The following TIMP3 variants were observed in gnomAD, a reference collection of about 807,000 sequenced individuals.
TIMP3 encodes the protein TIMP metallopeptidase inhibitor 3.
Under a neutral mutation model 30.0 loss-of-function variants are expected in TIMP3, and 11 were observed. That is an observed-to-expected ratio of 0.37 (90% confidence interval 0.23 to 0.61). The LOEUF is 0.61. Among genes scored for constraint, TIMP3 ranks in the 20% least tolerant of loss-of-function variants. TIMP3 has a pLI of 0.70. For missense variants in TIMP3, 181 were observed against 276.8 expected (o/e 0.65, Z 2.45); for synonymous variants, 112 against 111.3 (o/e 1.01, Z -0.04).
intron 1 of TIMP3, 64 bp downstream of exon 1, chr22:32,802,186 G>A: frequency 1.3e-6 from 2 of 1,528,074 alleles, no homozygotes; most frequent in Non-Finnish European, 1.8e-6. Context: ...GCTGCTTAGG[G>A]AGGCAGGGCG....
At chr22:32,853,681 G>C (rs2048285741) in intron 2 of TIMP3, among the ~76,000 whole-genome samples, 3 of 152,218 alleles carry the variant, frequency 2.0e-5, no homozygotes, top group African/African-American at 7.2e-5. Flanking sequence ...GTTAAGAGCT[G>C]AGGAAGGGAC....
At position 32,817,296 on chromosome 22, in the gene TIMP3, AAAGCTCTGAG is replaced by A. The variant is rs1379905978; in HGVS notation, c.121+15178_121+15187del. Among the ~76,000 whole-genome samples the A allele has an allele frequency of 3.9e-5, 6 of 152,264 alleles. No individual in the cohort carries two copies. The East Asian group carries it at 7.7e-4, about 20-fold the overall frequency. ...GAGACATGTGGCTATTAGCATAGTA[AAAGCTCTGAG>A]AAGTCCTGCTGCATGGTGACCTGTT... On this transcript the variant is annotated intron_variant, in intron 1 of 4. Coordinates refer to ENST00000266085, the MANE Select transcript of TIMP3 (RefSeq NM_000362.5).
At chr22:32,817,228 A>C (rs1405441209) in intron 1 of TIMP3, among the ~76,000 whole-genome samples, 1 of 152,064 alleles carries the variant, frequency 6.6e-6, no homozygotes, top group African/African-American at 2.4e-5. Flanking sequence ...AAAAAAAAAA[A>C]AATGTTATTT....
rs367813929 is a variant in TIMP3 at position 32,857,160 on chromosome 22, C to T, written c.205-89C>T. ...CTCTTCCATATTCCGATTTCCTTTC[C>T]TTTGGATACATACCCAGCAGTGGGA... On this transcript the variant is annotated intron_variant, in intron 2 of 4. Transcript: ENST00000266085. 1.1e-5 allele frequency: 11 copies of T among 1,012,824 alleles called. No individual in the cohort carries two copies. The African/African-American group carries it at 1.3e-4, about 12-fold the overall frequency. 62.7% of individuals were successfully genotyped at this position (1,012,824 alleles called of 1,614,324 possible). A position where few individuals can be genotyped will look rare whatever the true frequency, so the allele number is the denominator to read the frequency against.
chr22:32,858,796 G>T (rs1392035923), intron 4 of TIMP3, among the ~76,000 whole-genome samples: 1 of 152,134 alleles, frequency 6.6e-6, no homozygotes, highest in Non-Finnish European at 1.5e-5. Context: ...ACCTAGGGCA[G>T]CTAGACTCCA....
intron 1 of TIMP3, among the ~76,000 whole-genome samples, chr22:32,805,524 A>G (rs2046707659): frequency 1.3e-5 from 2 of 152,230 alleles, no homozygotes; most frequent in South Asian, 4.2e-4. Context: ...TCTTGGAACC[A>G]TGGAAGGAGG....
At position 32,832,254 on chromosome 22, in the gene TIMP3, G is replaced by A. The variant is rs373564084; in HGVS notation, c.122-17198G>A. ...TTAGAACATAGCAAACAGGAAGCAC[G>A]TGACAACTTGGACCACTACAACGAA... On this transcript the variant is annotated intron_variant, in intron 1 of 4. Transcript: ENST00000266085. 1.0e-3 allele frequency among the ~76,000 whole-genome samples: 157 copies of A among 152,302 alleles called. 1 individual carries two copies. Among genetic ancestry groups the A allele is most frequent in the Non-Finnish European group, 1.5e-3 (105 of 68,018 alleles).
At chr22:32,808,887 C>T (rs186295971) in intron 1 of TIMP3, among the ~76,000 whole-genome samples, 1 of 152,318 alleles carries the variant, frequency 6.6e-6, no homozygotes, top group African/African-American at 2.4e-5. Flanking sequence ...CTTAGGGCTG[C>T]GTGCCACCCA....
At chr22:32,810,196 T>C (rs1164125063) in intron 1 of TIMP3, among the ~76,000 whole-genome samples, 1 of 152,182 alleles carries the variant, frequency 6.6e-6, no homozygotes, top group Admixed American at 6.5e-5. Context: ...GTTCAGCTGT[T>C]AAAAAATTAG....
Position 32,807,359 on chromosome 22 carries a change from TATA to T in TIMP3, c.121+5241_121+5243del, listed in dbSNP as rs1442940587. Among the ~76,000 whole-genome samples the T allele has an allele frequency of 4.5e-4, 5 of 11,214 alleles. No homozygotes were observed. The South Asian group carries it at 0.022, about 49-fold the overall frequency. The allele number at this position is 11,214 out of a possible 152,430, so 7.4% of individuals were successfully genotyped here. A position where few individuals can be genotyped will look rare whatever the true frequency, so the allele number is the denominator to read the frequency against. ...ATATATAATATATAAATATATAATATATAATATATATTATATATAATATATATT... is the reference window on the plus strand; with the variant it reads ...ATATATAATATATAAATATATAATATATATATATTATATATAATATATATT... On this transcript the variant is annotated intron_variant, in intron 1 of 4. Transcript: ENST00000266085.
rs543479150 is a variant in TIMP3, at chr22:32,837,167, G to A, written c.122-12285G>A. ...TCAAAAATGCCCCGACCTGAAAGCT[G>A]GAAGTTCTGAGAACCGTTTGAGGGC... On this transcript the variant is annotated intron_variant, in intron 1 of 4. Coordinates refer to ENST00000266085, the MANE Select transcript of TIMP3 (RefSeq NM_000362.5). The surrounding 1 kb of genome is among the most constrained non-coding windows in gnomAD (Gnocchi z 4.1). Among the ~76,000 whole-genome samples, 4 of 152,338 alleles carry A rather than the reference G, an allele frequency of 2.6e-5. No homozygotes were observed. The South Asian group carries it at 8.3e-4, about 32-fold the overall frequency.
At chr22:32,816,988 C>T (rs1488457558) in intron 1 of TIMP3, among the ~76,000 whole-genome samples, 5 of 151,166 alleles carry the variant, frequency 3.3e-5, no homozygotes, top group Non-Finnish European at 4.4e-5. Flanking sequence ...GAGGCTGAGG[C>T]GAGAGGATCG....
At chr22:32,836,790 G>A (rs1281088964) in intron 1 of TIMP3, among the ~76,000 whole-genome samples, 1 of 152,168 alleles carries the variant, frequency 6.6e-6, no homozygotes, top group Non-Finnish European at 1.5e-5. Flanking sequence ...ACTTAAAGGT[G>A]AGGAAAGCCT....
Position 32,829,266 on chromosome 22 carries a change from C to T in TIMP3, c.122-20186C>T, listed in dbSNP as rs138265346. Among the ~76,000 whole-genome samples the T allele has an allele frequency of 2.7e-3, 404 of 152,320 alleles. 1 individual carries two copies. The highest frequency in any genetic ancestry group is 8.9e-3 in the African/African-American group (370 of 41,568). On this transcript the variant is annotated intron_variant, in intron 1 of 4. Coordinates refer to ENST00000266085, the MANE Select transcript of TIMP3 (RefSeq NM_000362.5). ...GATCTAAACCCTCCTTTCGTGATCA[C>T]GCCTGGTGGCTCAAAGAATTGCTCC...
intron 2 of TIMP3, among the ~76,000 whole-genome samples, chr22:32,850,416 G>A (rs1002489835): frequency 2.6e-5 from 4 of 152,072 alleles, no homozygotes; most frequent in African/African-American, 7.2e-5. Context: ...AAGGAGGAGC[G>A]GGTGGTATAC....
rs2048402183 is a variant in TIMP3, at chr22:32,857,446, A to T, written c.316+86A>T. ...CAGAAGAACACATACGGAGTAGTTG[A>T]CTCACCAAATGTCCAGTAAATTGTA... On this transcript the variant is annotated intron_variant, in intron 3 of 4. Transcript: ENST00000266085. 4 of 1,000,186 alleles carry T rather than the reference A, an allele frequency of 4.0e-6. 1 individual carries two copies. In the South Asian group the frequency reaches 5.2e-5, roughly 13 times the overall value. 62.0% of individuals were successfully genotyped at this position (1,000,186 alleles called of 1,614,324 possible). A position where few individuals can be genotyped will look rare whatever the true frequency, so the allele number is the denominator to read the frequency against.
intron 1 of TIMP3, among the ~76,000 whole-genome samples, chr22:32,824,507 G>A (rs2146084807): frequency 6.6e-6 from 1 of 152,138 alleles, no homozygotes; most frequent in East Asian, 1.9e-4. Context: ...GGAGCTCACT[G>A]AAGAATCAGG....
intron 1 of TIMP3, among the ~76,000 whole-genome samples, chr22:32,807,002 C>T (rs2046759497): frequency 6.6e-6 from 1 of 151,642 alleles, no homozygotes; most frequent in Admixed American, 6.6e-5. Flanking sequence ...TAGTATTCTG[C>T]TTGTTTCCCA....
At chr22:32,845,341 C>T (rs572393656) in intron 1 of TIMP3, among the ~76,000 whole-genome samples, 1 of 152,036 alleles carries the variant, frequency 6.6e-6, no homozygotes, top group Middle Eastern at 3.2e-3. Context: ...GGACTACAGG[C>T]GGCCCCATGC....
Sources: allele counts gnomAD v4.1 joint callset (sites outside exome capture counted in the v4.1 genomes callset), GRCh38; gene constraint gnomAD v4.1.1; non-coding constraint Gnocchi (gnomAD v3.1); transcripts MANE v1.5; gene names NCBI Gene and HGNC (gene_info 2026-07-23, HGNC 2026-07-21).